The following ARID2 variants were observed in gnomAD, a reference collection of about 807,000 sequenced individuals.
ARID2 encodes AT-rich interactive domain-containing protein 2.
A neutral mutation model predicts 184.6 loss-of-function variants in ARID2; 32 were observed. The ratio of observed to expected loss-of-function variants is 0.17; its 90% CI spans 0.13 to 0.23. The LOEUF (loss-of-function observed/expected upper bound fraction) is 0.23, where lower values mean the gene tolerates loss of function less well. ARID2 is among the 10% of genes least tolerant of loss of function. ARID2 has a pLI of 1.00. For synonymous variants in ARID2, 836 were observed against 772.6 expected (o/e 1.08, Z -1.36); for missense variants, 1,696 against 2,197.6 (o/e 0.77, Z 4.56).
intron 3 of ARID2, among the ~76,000 whole-genome samples, chr12:45,743,767 C>T (rs1007979698): frequency 1.3e-5 from 2 of 152,100 alleles, no homozygotes; most frequent in Non-Finnish European, 2.9e-5. Context: ...GAAGTCTTTC[C>T]ACTTGTTCAC....
chr12:45,892,676 A>G (rs1944316327), intron 18 of ARID2, among the ~76,000 whole-genome samples: 1 of 152,182 alleles, frequency 6.6e-6, no homozygotes, highest in African/African-American at 2.4e-5. Context: ...TTACAGTGTC[A>G]GAAATAGGGT....
intron 14 of ARID2, 35 bp downstream of exon 14, chr12:45,849,811 G>A (rs1246351248): frequency 2.6e-6 from 4 of 1,562,392 alleles, no homozygotes; most frequent in Non-Finnish European, 3.5e-6. Context: ...AAGTATTACT[G>A]ATTTAATAAT....
intron 12 of ARID2, among the ~76,000 whole-genome samples, chr12:45,847,712 T>C (rs909460610): frequency 2.6e-5 from 4 of 152,108 alleles, no homozygotes; most frequent in Non-Finnish European, 4.4e-5. Context: ...TGTCACTCTT[T>C]GTTCCGTATT....
chr12:45,844,677 T>G (rs530936853), intron 11 of ARID2, among the ~76,000 whole-genome samples: 1 of 152,380 alleles, frequency 6.6e-6, no homozygotes, highest in South Asian at 2.1e-4. Context: ...TACTTTGTGC[T>G]AGGCATTATT....
chr12:45,870,987 T>C lies in ARID2; in HGVS notation c.4922+10038T>C, dbSNP rs576589323. Among the ~76,000 whole-genome samples, 106 of 152,348 alleles carry C rather than the reference T, an allele frequency of 7.0e-4. 1 individual carries two copies. Among genetic ancestry groups the C allele is most frequent in the African/African-American group, 2.1e-3 (88 of 41,584 alleles). ...TTTGGGCAAACACCTAGGATTATAA[T>C]TGCTGGATCATATGATAAAGACTAT... is the stretch of plus-strand genomic sequence containing the variant. On this transcript the variant is annotated intron_variant, in intron 16 of 20. Coordinates refer to ENST00000334344, the MANE Select transcript of ARID2 (RefSeq NM_152641.4).
intron 3 of ARID2, among the ~76,000 whole-genome samples, chr12:45,783,633 G>T (rs1030825943): frequency 6.6e-6 from 1 of 152,146 alleles, no homozygotes; most frequent in African/African-American, 2.4e-5. Context: ...TTTTGCATGC[G>T]CAGTTCACAG....
At position 45,731,222 on chromosome 12, in the gene ARID2, T is replaced by C. The variant is rs2137962578; in HGVS notation, c.192T>C (p.Ser64=). 1.2e-6 allele frequency: 2 copies of C among 1,611,900 alleles called. No individual in the cohort carries two copies. The highest frequency in any genetic ancestry group is 1.3e-5 in the African/African-American group (1 of 75,040). ...CTGTGCCTGTGTTTTACCAGGTTTC[T>C]GAGAAGAATCAGTGGGGAGAAATTG... ...VTTLGGFAKV[S]EKNQWGEIVE... is the part of the protein sequence containing the mutation. Residue 64 remains serine, a synonymous_variant, in exon 3 of 21, where the codon TCT becomes TCC. Coordinates refer to ENST00000334344, the MANE Select transcript of ARID2 (RefSeq NM_152641.4).
At chr12:45,772,798 A>G (rs1941901130) in intron 3 of ARID2, among the ~76,000 whole-genome samples, 1 of 152,214 alleles carries the variant, frequency 6.6e-6, no homozygotes, top group East Asian at 1.9e-4. Flanking sequence ...ATTTAAAAAT[A>G]ATGGTTGCAG....
intron 3 of ARID2, among the ~76,000 whole-genome samples, chr12:45,791,927 C>A: frequency 6.7e-6 from 1 of 149,656 alleles, no homozygotes; most frequent in East Asian, 2.0e-4. Flanking sequence ...AATTAATGTC[C>A]CCTCTTTCAT....
chr12:45,817,101 A>T (rs1053004900), intron 4 of ARID2, among the ~76,000 whole-genome samples: 3 of 152,220 alleles, frequency 2.0e-5, no homozygotes, highest in African/African-American at 7.2e-5. Context: ...TCATGCATGT[A>T]ATGCAGCACT....
rs1351942237 is a variant in ARID2, at chr12:45,729,905, G to A, written c.69G>A (p.Leu23=). 1 of 1,610,536 alleles carries A rather than the reference G, an allele frequency of 6.2e-7. No individual in the cohort carries two copies. The highest frequency in any genetic ancestry group is 8.5e-7 in the Non-Finnish European group (1 of 1,178,664). ...RRKGLAFLDE[L]RQFHHSRGSP... ...AGGGACTCGCTTTCCTGGACGAGCT[G>A]CGGCAGTTCCACCACAGCAGAGGGT... The change falls in exon 1 of 21, where the codon CTG becomes CTA. Residue 23 remains leucine (L), a synonymous_variant. Transcript: ENST00000334344.
At chr12:45,849,463 G>A (rs1356140910) in intron 13 of ARID2, 117 bp from the exon 14 acceptor site, 4 of 678,900 alleles carry the variant, frequency 5.9e-6, no homozygotes, top group Non-Finnish European at 9.4e-6. Context: ...ATAACTGTGA[G>A]TCATACTGGT....
intron 20 of ARID2, 94 bp downstream of exon 20, chr12:45,893,815 G>T: frequency 8.8e-7 from 1 of 1,135,036 alleles, no homozygotes; most frequent in Non-Finnish European, 1.2e-6. Flanking sequence ...TTTCTTCATT[G>T]TTTTTCTCAT....
At chr12:45,855,036 T>G (rs79212373) in intron 15 of ARID2, among the ~76,000 whole-genome samples, 235 of 152,326 alleles carry the variant, frequency 1.5e-3, no homozygotes, top group African/African-American at 5.4e-3. Flanking sequence ...TCTAGAAGAT[T>G]TCTCTATAAA....
chr12:45,820,801 G>C (rs1942882193), intron 5 of ARID2, among the ~76,000 whole-genome samples: 1 of 152,202 alleles, frequency 6.6e-6, no homozygotes, highest in Non-Finnish European at 1.5e-5. Flanking sequence ...TGGTGGGGAA[G>C]TGAGGGCCAC....
At chr12:45,808,738 TG>T (rs1942646541) in intron 3 of ARID2, among the ~76,000 whole-genome samples, 3 of 95,274 alleles carry the variant, frequency 3.1e-5, no homozygotes, top group African/African-American at 1.1e-4. Context: ...TTTGCGTGCG[TG>T]TGTGTGTGTG....
Position 45,907,804 on chromosome 12 carries a change from CTG to C in ARID2, c.*2730_*2731del, listed in dbSNP as rs1944550178. 1 of 232,118 alleles carries C rather than the reference CTG, an allele frequency of 4.3e-6. No individual in the cohort carries two copies. The highest frequency in any genetic ancestry group is 5.6e-5 in the Admixed American group (1 of 17,728). 14.4% of individuals were successfully genotyped at this position (232,118 alleles called of 1,614,324 possible). On this transcript the variant is annotated 3_prime_UTR_variant, in exon 21 of 21. Transcript: ENST00000334344. ...TCTACAACATAGAGACTGTATAATT[CTG>C]TGTTATATATGTGCCTAGTGCTCTG...
chr12:45,894,768 T>G (rs1944347955), intron 20 of ARID2, among the ~76,000 whole-genome samples: 2 of 152,220 alleles, frequency 1.3e-5, no homozygotes, highest in African/African-American at 4.8e-5. Context: ...AGTAACCATA[T>G]GAGAATACCA....
At chr12:45,791,787 C>G (rs1241806924) in intron 3 of ARID2, among the ~76,000 whole-genome samples, 2 of 152,150 alleles carry the variant, frequency 1.3e-5, no homozygotes, top group Non-Finnish European at 2.9e-5. Context: ...TCTCAACTAT[C>G]TGATATAATT....
Sources: gnomAD v4.1 joint callset for allele counts (sites outside exome capture counted in the v4.1 genomes callset) on GRCh38, gnomAD v4.1.1 for gene constraint, MANE v1.5 for transcripts, NCBI Gene and HGNC (gene_info 2026-07-23, HGNC 2026-07-21) for gene names.